Variants in SH3RF3 observed in about 807,000 individuals in gnomAD.
SH3RF3 encodes the protein E3 ubiquitin-protein ligase SH3RF3.
SH3RF3 carries 29 observed loss-of-function variants against 66.3 expected under a neutral mutation model. The observed-to-expected ratio is 0.44, with a 90% CI of 0.33 to 0.60. SH3RF3 has a LOEUF of 0.60. Ranked by LOEUF, SH3RF3 falls within the 20% of genes least tolerant of loss-of-function variation. SH3RF3 has a pLI of 0.04. For synonymous variants in SH3RF3, 583 were observed against 532.0 expected, an observed-to-expected ratio of 1.10 and a Z score of -1.32; for missense variants, 1,194 against 1,190.9, an observed-to-expected ratio of 1.00 and a Z score of -0.04.
intron 3 of SH3RF3, among the ~76,000 whole-genome samples, chr2:109,384,154 C>G (rs761026713): frequency 6.6e-6 from 1 of 152,218 alleles, no homozygotes; most frequent in African/African-American, 2.4e-5. Flanking sequence ...CCTTCCAGGC[C>G]GCCTGGGGTC....
At chr2:109,268,936 C>T (rs1680565988) in intron 1 of SH3RF3, among the ~76,000 whole-genome samples, 2 of 152,156 alleles carry the variant, frequency 1.3e-5, no homozygotes, top group Admixed American at 1.3e-4. Flanking sequence ...AGTCAGGAAG[C>T]ATCTGTATCT....
At chr2:109,240,003 C>T (rs1230723730) in intron 1 of SH3RF3, among the ~76,000 whole-genome samples, 2 of 152,210 alleles carry the variant, frequency 1.3e-5, no homozygotes, top group African/African-American at 4.8e-5. Context: ...CTTGCTGGCT[C>T]ATGATAGATG....
At chr2:109,427,051 C>T (rs569190145) in intron 5 of SH3RF3, among the ~76,000 whole-genome samples, 31 of 152,216 alleles carry the variant, frequency 2.0e-4, no homozygotes, top group African/African-American at 7.2e-4. Flanking sequence ...TCACTGGAAC[C>T]TTCGCCTCCT....
At chr2:109,197,882 CACTT>C (rs1415275146) in intron 1 of SH3RF3, among the ~76,000 whole-genome samples, 2 of 152,362 alleles carry the variant, frequency 1.3e-5, no homozygotes, top group East Asian at 3.9e-4. Flanking sequence ...CAGAAGACTG[CACTT>C]GCCTTTTGCA....
chr2:109,429,321 AAGT>A, intron 5 of SH3RF3, among the ~76,000 whole-genome samples: 1 of 152,168 alleles, frequency 6.6e-6, no homozygotes, highest in Non-Finnish European at 1.5e-5. Context: ...AGAGGAAAAA[AAGT>A]AGGCAGAGAA....
At chr2:109,180,565 A>G (rs1678051531) in intron 1 of SH3RF3, among the ~76,000 whole-genome samples, 2 of 152,182 alleles carry the variant, frequency 1.3e-5, no homozygotes, top group African/African-American at 4.8e-5. Context: ...TAATTGAATC[A>G]TGGGGGTGGT....
At chr2:109,350,326 G>T (rs1373515920) in intron 2 of SH3RF3, among the ~76,000 whole-genome samples, 1 of 152,186 alleles carries the variant, frequency 6.6e-6, no homozygotes, top group African/African-American at 2.4e-5. Flanking sequence ...CCTGTTACAG[G>T]ATCTGTGACG....
chr2:109,170,002 C>G (rs1009889447), intron 1 of SH3RF3, among the ~76,000 whole-genome samples: 1 of 152,090 alleles, frequency 6.6e-6, no homozygotes, highest in African/African-American at 2.4e-5. Context: ...TCCTATTTTC[C>G]TGAATAGTCC....
At chr2:109,296,071 C>G (rs1052613422) in intron 1 of SH3RF3, among the ~76,000 whole-genome samples, 1 of 152,100 alleles carries the variant, frequency 6.6e-6, no homozygotes, top group Non-Finnish European at 1.5e-5. Context: ...CCCTTCCCTG[C>G]CCCAGCCAGG....
intron 3 of SH3RF3, among the ~76,000 whole-genome samples, chr2:109,377,842 G>A (rs546855333): frequency 6.6e-6 from 1 of 152,252 alleles, no homozygotes; most frequent in Non-Finnish European, 1.5e-5. Context: ...CTTTTACAAA[G>A]AGAGGCTATT....
intron 3 of SH3RF3, among the ~76,000 whole-genome samples, chr2:109,392,300 A>T (rs926343365): frequency 1.3e-5 from 2 of 152,180 alleles, no homozygotes; most frequent in African/African-American, 4.8e-5. Flanking sequence ...ATTCAATGAG[A>T]CATCTCAGAA....
intron 4 of SH3RF3, among the ~76,000 whole-genome samples, chr2:109,407,335 C>G (rs937439487): frequency 6.6e-6 from 1 of 152,224 alleles, no homozygotes; most frequent in Non-Finnish European, 1.5e-5. Flanking sequence ...CAGCATTTCT[C>G]AAGTCTCTTC....
chr2:109,440,355 G>A (rs1011285203), intron 7 of SH3RF3, among the ~76,000 whole-genome samples: 3 of 152,202 alleles, frequency 2.0e-5, no homozygotes, highest in Non-Finnish European at 2.9e-5. Flanking sequence ...GATAGGGTGC[G>A]GGAGCAAAGA....
At chr2:109,392,226 A>G (rs962025085) in intron 3 of SH3RF3, among the ~76,000 whole-genome samples, 1 of 152,166 alleles carries the variant, frequency 6.6e-6, no homozygotes, top group African/African-American at 2.4e-5. Context: ...TTTTTTTTAC[A>G]TCAAGATGTA....
chr2:109,267,733 C>T (rs1680531496), intron 1 of SH3RF3, among the ~76,000 whole-genome samples: 1 of 152,180 alleles, frequency 6.6e-6, no homozygotes, highest in Non-Finnish European at 1.5e-5. Context: ...TTTCTCAGTG[C>T]ATGTCAGGGA....
intron 3 of SH3RF3, among the ~76,000 whole-genome samples, chr2:109,394,377 C>A (rs1415882559): frequency 6.6e-6 from 1 of 152,090 alleles, no homozygotes; most frequent in Non-Finnish European, 1.5e-5. Flanking sequence ...CTGCACCATC[C>A]CCTTGAGCTA....
At chr2:109,403,425 C>T (rs185071767) in intron 4 of SH3RF3, among the ~76,000 whole-genome samples, 1 of 152,344 alleles carries the variant, frequency 6.6e-6, no homozygotes, top group Non-Finnish European at 1.5e-5. Flanking sequence ...GATGAGGAAG[C>T]CGAGGCCCCA....
At chr2:109,170,252 C>CTTT in intron 1 of SH3RF3, among the ~76,000 whole-genome samples, 1 of 13,926 alleles carries the variant, frequency 7.2e-5, no homozygotes, top group Non-Finnish European at 1.9e-4. Context: ...CTTTTCTCTT[C>CTTT]TCTTCTCTTC....
Position 109,129,455 on chromosome 2 carries a change from A to G in SH3RF3, c.-86A>G, listed in dbSNP as rs1676623080. 6.7e-7 allele frequency: 1 copy of G among 1,494,396 alleles called. No individual in the cohort carries two copies. Among genetic ancestry groups the G allele is most frequent in the Non-Finnish European group, 8.9e-7 (1 of 1,126,260 alleles). The allele number at this position is 1,494,396 out of a possible 1,614,324, so 92.6% of individuals were successfully genotyped here. A position where few individuals can be genotyped will look rare whatever the true frequency, so the allele number is the denominator to read the frequency against. On this transcript the variant is annotated 5_prime_UTR_variant, in exon 1 of 10. Coordinates refer to ENST00000309415, the MANE Select transcript of SH3RF3 (RefSeq NM_001099289.3). The stretch of plus-strand genomic sequence containing the variant: ...AAGTCACGGCGGAGCCCGGCTCCCC[A>G]GTCCTGATGCTGGCTGCCGGTGGCG...
Sources: gnomAD v4.1 joint callset for allele counts (sites outside exome capture counted in the v4.1 genomes callset) on GRCh38, gnomAD v4.1.1 for gene constraint, MANE v1.5 for transcripts, NCBI Gene and HGNC (gene_info 2026-07-23, HGNC 2026-07-21) for gene names.